Variants in TK2 observed in about 807,000 individuals in gnomAD.
TK2 encodes the protein thymidine kinase 2, mitochondrial.
A neutral mutation model predicts 41.9 loss-of-function variants in TK2; 35 were observed. The observed-to-expected ratio is 0.84, with a 90% CI of 0.64 to 1.11. The LOEUF is 1.11. TK2 is among the 50% of genes least tolerant of loss of function. TK2 has a pLI of 0.00. For synonymous variants in TK2, 128 were observed against 129.1 expected, an observed-to-expected ratio of 0.99 and a Z score of 0.06; for missense variants, 320 against 351.1, an observed-to-expected ratio of 0.91 and a Z score of 0.71.
rs1964548786 is a variant in TK2, at chr16:66,514,489, C to T, written c.619-678G>A. The stretch of plus-strand genomic sequence containing the variant: ...CGCTACAACCTCCACCTCCCAGCCG[C>T]CTGCCTTGGCCTCCCAAAGTGCCGA... On this transcript the variant is annotated intron_variant, in intron 8 of 9. Transcript: ENST00000544898. The surrounding 1 kb of genome is among the most constrained non-coding windows in gnomAD (Gnocchi z 4.2). Among the ~76,000 whole-genome samples, 1 of 152,228 alleles carries T rather than the reference C, an allele frequency of 6.6e-6. No individual in the cohort carries two copies. Among genetic ancestry groups the T allele is most frequent in the African/African-American group, 2.4e-5 (1 of 41,464 alleles).
chr16:66,509,402 T>C lies in TK2; in HGVS notation c.*2566A>G, dbSNP rs534124283. ...ACTTCTTTTATGTAAAAGATAAATA[T>C]ATTTCTATCTAGTTTCCAAAAAAAA... On this transcript the variant is annotated 3_prime_UTR_variant, in exon 10 of 10. Coordinates refer to ENST00000544898, the MANE Select transcript of TK2 (RefSeq NM_004614.5). 6.6e-6 allele frequency: 1 copy of C among 152,196 alleles called. No individual in the cohort carries two copies. The highest frequency in any genetic ancestry group is 1.5e-5 in the Non-Finnish European group (1 of 68,034). The allele number at this position is 152,196 out of a possible 1,614,324, so 9.4% of individuals were successfully genotyped here.
intron 3 of TK2, among the ~76,000 whole-genome samples, chr16:66,538,952 T>C (rs1965369930): frequency 6.6e-6 from 1 of 152,264 alleles, no homozygotes; most frequent in East Asian, 1.9e-4. Flanking sequence ...TTAACCTCAT[T>C]AGGCCATGGT....
intron 6 of TK2, among the ~76,000 whole-genome samples, chr16:66,527,352 C>T (rs1964965522): frequency 1.3e-5 from 2 of 152,180 alleles, no homozygotes; most frequent in South Asian, 4.1e-4. Flanking sequence ...GGCTCAAAGG[C>T]ATGATCCATG....
In TK2 at chr16:66,517,916, A is replaced by C; in HGVS notation, c.450-39T>G. 6.4e-7 allele frequency: 1 copy of C among 1,567,064 alleles called. No individual in the cohort carries two copies. The highest frequency in any genetic ancestry group is 1.1e-5 in the South Asian group (1 of 90,118). On this transcript the variant is annotated intron_variant, in intron 6 of 9. Transcript: ENST00000544898. The surrounding 1 kb of genome is among the most constrained non-coding windows in gnomAD (Gnocchi z 4.3). ...TGTAAGGGCTTATTCACCTAAGAGA[A>C]AACTTCTGGGCTATGCAATTCCCCC... is the stretch of plus-strand genomic sequence containing the variant.
intron 4 of TK2, 152 bp from the exon 5 acceptor site, chr16:66,531,621 G>C: frequency 1.4e-6 from 1 of 739,716 alleles, no homozygotes; most frequent in Non-Finnish European, 2.4e-6. Flanking sequence ...TCTGACAGCA[G>C]GGTGGACAAA....
At chr16:66,523,722 G>A (rs1024137794) in intron 6 of TK2, among the ~76,000 whole-genome samples, 3 of 152,102 alleles carry the variant, frequency 2.0e-5, no homozygotes, top group Admixed American at 6.6e-5. Flanking sequence ...CCAGCTACTC[G>A]GGAGGCTGAG....
At chr16:66,529,257 T>G (rs1216595128) in intron 5 of TK2, among the ~76,000 whole-genome samples, 190 bp from the exon 6 acceptor site, 1 of 152,170 alleles carries the variant, frequency 6.6e-6, no homozygotes, top group African/African-American at 2.4e-5. Flanking sequence ...GCCACCAGGC[T>G]CAGGCTGTGT....
intron 2 of TK2, among the ~76,000 whole-genome samples, chr16:66,546,336 T>C (rs963777829): frequency 2.6e-5 from 4 of 152,232 alleles, no homozygotes; most frequent in African/African-American, 9.6e-5. Context: ...GAATTGCACA[T>C]TTAAATGGGT....
intron 8 of TK2, 85 bp from the exon 9 acceptor site, chr16:66,513,896 A>G: frequency 8.5e-7 from 1 of 1,179,320 alleles, no homozygotes; most frequent in Non-Finnish European, 1.3e-6. Flanking sequence ...GGGTCAAAGT[A>G]GTCAATGACC....
rs751112288 is a variant in TK2, at chr16:66,536,998, G to C, written c.251C>G (p.Ser84Cys). The C allele has an allele frequency of 1.2e-6, 2 of 1,614,072 alleles. No homozygotes were observed. Among genetic ancestry groups the C allele is most frequent in the African/African-American group, 2.7e-5 (2 of 75,000 alleles). The stretch of plus-strand genomic sequence containing the variant: ...GTGGCCACGGACATTTCTCCACTTG[G>C]ACACAGGCTCCGTTAACACCTGGAA... ...TDVEVLTEPV[S>C]KWRNVRGHNP... Residue 84 changes from serine to cysteine, a missense_variant, in exon 4 of 10, where the codon TCC becomes TGC. By Grantham distance (112) the Ser-to-Cys change is moderately radical (BLOSUM62 -1). Transcript: ENST00000544898.
chr16:66,544,210 C>T (rs918664232), intron 2 of TK2, among the ~76,000 whole-genome samples: 2 of 152,032 alleles, frequency 1.3e-5, no homozygotes, highest in South Asian at 2.1e-4. Context: ...CAGCAGGCAA[C>T]GCAGGAAGAA....
chr16:66,531,888 G>A (rs1965125843), intron 4 of TK2, among the ~76,000 whole-genome samples: 1 of 152,096 alleles, frequency 6.6e-6, no homozygotes, highest in Non-Finnish European at 1.5e-5. Context: ...ACTTTAAGTG[G>A]ATATTTATAA....
At chr16:66,537,772 G>A (rs187406639) in intron 3 of TK2, among the ~76,000 whole-genome samples, 165 of 152,328 alleles carry the variant, frequency 1.1e-3, no homozygotes, top group Middle Eastern at 6.8e-3. Flanking sequence ...AAGATCTTCA[G>A]AGTGCCAGGA....
chr16:66,548,910 T>G, intron 2 of TK2, 68 bp downstream of exon 2: 1 of 1,486,306 alleles, frequency 6.7e-7, no homozygotes. Flanking sequence ...CTTTTTACTC[T>G]GCTTTTTTCT....
chr16:66,520,655 A>T (rs1964754145), intron 6 of TK2, among the ~76,000 whole-genome samples: 1 of 152,220 alleles, frequency 6.6e-6, no homozygotes, highest in Non-Finnish European at 1.5e-5. Context: ...TGTCACCCTG[A>T]GAGAACTGCA....
chr16:66,512,177 A>C (rs1964471487), intron 9 of TK2, 111 bp from the exon 10 acceptor site: 2 of 941,414 alleles, frequency 2.1e-6, no homozygotes, highest in African/African-American at 3.2e-5. Flanking sequence ...GGAAGGGCAC[A>C]GAAGGTTGCA....
intron 2 of TK2, among the ~76,000 whole-genome samples, chr16:66,543,554 C>A (rs951758184): frequency 2.0e-5 from 3 of 152,184 alleles, no homozygotes; most frequent in Non-Finnish European, 4.4e-5. Flanking sequence ...GCCCGACCTG[C>A]TGCACAGAGG....
intron 9 of TK2, 123 bp from the exon 10 acceptor site, chr16:66,512,189 G>A: frequency 1.1e-6 from 1 of 881,990 alleles, no homozygotes; most frequent in East Asian, 2.5e-5. Flanking sequence ...AAGGTTGCAG[G>A]CAGATAAAAA....
At chr16:66,532,425 G>A (rs1423580493) in intron 4 of TK2, among the ~76,000 whole-genome samples, 3 of 151,992 alleles carry the variant, frequency 2.0e-5, no homozygotes, top group Non-Finnish European at 2.9e-5. Flanking sequence ...CCAACATGAC[G>A]AAATCCTGTC....
Sources: gnomAD v4.1 joint callset for allele counts (sites outside exome capture counted in the v4.1 genomes callset) on GRCh38, gnomAD v4.1.1 for gene constraint, Gnocchi (gnomAD v3.1) non-coding constraint, MANE v1.5 for transcripts, NCBI Gene and HGNC (gene_info 2026-07-23, HGNC 2026-07-21) for gene names.